The following LRRK1 variants were observed in gnomAD, a reference collection of about 807,000 sequenced individuals.
The protein encoded by LRRK1 is leucine-rich repeat serine/threonine-protein kinase 1.
LRRK1 carries 113 observed loss-of-function variants against 209.1 expected under a neutral mutation model. The observed-to-expected ratio is 0.54, with a 90% CI of 0.46 to 0.63. LRRK1 has a LOEUF of 0.63. LRRK1 is among the 30% of genes least tolerant of loss of function. LRRK1 has a pLI of 0.00. For synonymous variants in LRRK1, 1,144 were observed against 1,099.7 expected (o/e 1.04, Z -0.80); for missense variants, 2,284 against 2,632.2 (o/e 0.87, Z 2.89).
At chr15:101,033,861 G>A (rs746791694) in intron 20 of LRRK1, among the ~76,000 whole-genome samples, 5 of 152,174 alleles carry the variant, frequency 3.3e-5, no homozygotes, top group African/African-American at 2.4e-5. Context: ...CACAGAGGCT[G>A]TACTAATTTA....
At chr15:101,053,539 ATGGCTCGTG>A in intron 26 of LRRK1, 119 bp downstream of exon 26, 1 of 856,796 alleles carries the variant, frequency 1.2e-6, no homozygotes, top group Non-Finnish European at 1.8e-6. Context: ...CGCCCAACCC[ATGGCTCGTG>A]TGACCATCCC....
chr15:100,957,303 G>A (rs1458835987), intron 2 of LRRK1, among the ~76,000 whole-genome samples: 1 of 152,064 alleles, frequency 6.6e-6, no homozygotes, highest in Non-Finnish European at 1.5e-5. Flanking sequence ...ATGTCTGTTA[G>A]GTCTATTTGG....
intron 6 of LRRK1, among the ~76,000 whole-genome samples, chr15:101,000,537 G>A (rs960109834): frequency 1.2e-4 from 19 of 152,156 alleles, no homozygotes; most frequent in Admixed American, 7.2e-4. Context: ...AGCAGTCCAC[G>A]GTCAAGGTGT....
chr15:100,973,102 G>T (rs1236929960), intron 2 of LRRK1, among the ~76,000 whole-genome samples: 6 of 152,228 alleles, frequency 3.9e-5, no homozygotes, highest in African/African-American at 1.2e-4. Context: ...CGAGGGCTCG[G>T]CCTGCCGTGG....
At chr15:101,016,115 A>C (rs2033527436) in intron 12 of LRRK1, among the ~76,000 whole-genome samples, 1 of 151,428 alleles carries the variant, frequency 6.6e-6, no homozygotes, top group South Asian at 2.1e-4. Flanking sequence ...TCAGCCTCCC[A>C]AGTAGCTGGG....
chr15:101,060,123 G>A (rs553684397), intron 29 of LRRK1, among the ~76,000 whole-genome samples: 1 of 152,304 alleles, frequency 6.6e-6, no homozygotes, highest in Admixed American at 6.5e-5. Flanking sequence ...TCACAGGAAG[G>A]GAGGAGGGGG....
At chr15:101,059,119 G>A (rs2036001158) in intron 29 of LRRK1, among the ~76,000 whole-genome samples, 1 of 152,210 alleles carries the variant, frequency 6.6e-6, no homozygotes, top group South Asian at 2.1e-4. Flanking sequence ...ACCAGGCCTT[G>A]TGGCTCATGC....
chr15:101,020,017 G>T (rs2033704064), intron 12 of LRRK1, among the ~76,000 whole-genome samples: 1 of 152,200 alleles, frequency 6.6e-6, no homozygotes, highest in Non-Finnish European at 1.5e-5. Context: ...TTCAAAGAAT[G>T]GCATTGTAAG....
At chr15:100,997,471 T>C (rs1197887966) in intron 6 of LRRK1, among the ~76,000 whole-genome samples, 1 of 152,162 alleles carries the variant, frequency 6.6e-6, no homozygotes, top group Non-Finnish European at 1.5e-5. Context: ...TTTGAGAGAA[T>C]GAACAGTTAA....
chr15:101,010,081 C>G (rs1014558580), intron 7 of LRRK1, among the ~76,000 whole-genome samples: 1 of 152,170 alleles, frequency 6.6e-6, no homozygotes, highest in Non-Finnish European at 1.5e-5. Flanking sequence ...AAGCAAGTGC[C>G]GTCCAAGTGA....
chr15:101,066,832 C>T, intron 33 of LRRK1, 91 bp downstream of exon 33: 1 of 1,109,206 alleles, frequency 9.0e-7, no homozygotes, highest in Middle Eastern at 2.1e-4. Context: ...GCTTTGCTGC[C>T]CTTCCATTCT....
rs2033413207 is a variant in LRRK1 at position 101,014,018 on chromosome 15, T to C, written c.1420-298T>C. Among the ~76,000 whole-genome samples, 3 of 152,168 alleles carry C rather than the reference T, an allele frequency of 2.0e-5. No individual in the cohort carries two copies. In the South Asian group the frequency reaches 6.2e-4, roughly 31 times the overall value. ...CCCAGAGAGACACACCGGTAATCAG[T>C]ACTCTTAAGAATCCTTAATGCTGAC... On this transcript the variant is annotated intron_variant, in intron 10 of 33. Transcript: ENST00000388948.
At chr15:100,939,309 A>G (rs1221926101) in intron 2 of LRRK1, among the ~76,000 whole-genome samples, 1 of 151,976 alleles carries the variant, frequency 6.6e-6, no homozygotes, top group African/African-American at 2.4e-5. Context: ...ATAAAGCCAT[A>G]TTGTTTGTCC....
intron 4 of LRRK1, 41 bp downstream of exon 4, chr15:100,983,740 AC>A: frequency 1.3e-6 from 2 of 1,587,554 alleles, no homozygotes; most frequent in Non-Finnish European, 1.7e-6. Context: ...GTCTCAGGGC[AC>A]CCTCTTCTTA....
At chr15:100,964,821 CAT>C (rs1238418375) in intron 2 of LRRK1, among the ~76,000 whole-genome samples, 2 of 151,394 alleles carry the variant, frequency 1.3e-5, no homozygotes, top group East Asian at 1.9e-4. Context: ...CGCACACACA[CAT>C]GAGGCCAACA....
At chr15:100,978,999 A>G (rs79641402) in intron 3 of LRRK1, among the ~76,000 whole-genome samples, 1,743 of 152,298 alleles carry the variant, frequency 0.011, 15 homozygotes, top group Middle Eastern at 0.027. Flanking sequence ...TTCACAAAAT[A>G]TTAGCAAGTA....
At chr15:100,953,787 C>T (rs2042702292) in intron 2 of LRRK1, among the ~76,000 whole-genome samples, 1 of 152,158 alleles carries the variant, frequency 6.6e-6, no homozygotes. Context: ...TGCTACCTTA[C>T]ATTCCCAGCA....
At chr15:101,009,645 T>A (rs1391688659) in intron 7 of LRRK1, among the ~76,000 whole-genome samples, 2 of 152,316 alleles carry the variant, frequency 1.3e-5, no homozygotes, top group Non-Finnish European at 2.9e-5. Flanking sequence ...TGGAGTGCAG[T>A]GGCATAATCT....
intron 20 of LRRK1, among the ~76,000 whole-genome samples, chr15:101,032,899 A>G (rs1307380482): frequency 6.6e-6 from 1 of 152,208 alleles, no homozygotes; most frequent in African/African-American, 2.4e-5. Flanking sequence ...GTAGCTTTAG[A>G]GTAAGACTTG....
Sources: gnomAD v4.1 joint callset for allele counts (sites outside exome capture counted in the v4.1 genomes callset) on GRCh38, gnomAD v4.1.1 for gene constraint, MANE v1.5 for transcripts, NCBI Gene and HGNC (gene_info 2026-07-23, HGNC 2026-07-21) for gene names.